CDK12: variants seen among roughly 807,000 people sequenced by gnomAD.
The protein encoded by CDK12 is cyclin dependent kinase 12.
CDK12 carries 17 observed loss-of-function variants against 133.8 expected under a neutral mutation model. That is an observed-to-expected ratio of 0.13 (90% CI 0.09 to 0.19). The LOEUF (loss-of-function observed/expected upper bound fraction) is 0.19, where lower values mean the gene tolerates loss of function less well. Among genes scored for constraint, CDK12 ranks in the 10% least tolerant of loss-of-function variants. The pLI, the probability that CDK12 is intolerant of heterozygous loss-of-function variation, is 1.00. For synonymous variants in CDK12, 694 were observed against 683.6 expected (o/e 1.02, Z -0.24); for missense variants, 1,508 against 1,818.7 (o/e 0.83, Z 3.11).
At chr17:39,472,628 T>C (rs1265708409) in intron 2 of CDK12, among the ~76,000 whole-genome samples, 1 of 151,360 alleles carries the variant, frequency 6.6e-6, no homozygotes, top group Non-Finnish European at 1.5e-5. Context: ...GAGCCAAGAT[T>C]GCATATTGCC....
rs137873589 is a variant in CDK12, at chr17:39,464,242, A to G, written c.1046+1125A>G. ...GCATGACTTTTTTTTTTTTTGAAAG[A>G]CAAGATCTTGCCCTGTTGCCTAGGC... On this transcript the variant is annotated intron_variant, in intron 1 of 13. Transcript: ENST00000447079. Among the ~76,000 whole-genome samples, 13 of 151,404 alleles carry G rather than the reference A, an allele frequency of 8.6e-5. No individual in the cohort carries two copies. The East Asian group carries it at 2.5e-3, about 29-fold the overall frequency.
chr17:39,473,918 G>A (rs144271355), intron 2 of CDK12, among the ~76,000 whole-genome samples: 2 of 151,858 alleles, frequency 1.3e-5, no homozygotes, highest in East Asian at 1.9e-4. Context: ...TTAGCCAGGC[G>A]TGGTGGCAGG....
chr17:39,481,633 GCTCTCTCTCTCTCTCTCTCTCTCT>G lies in CDK12; in HGVS notation c.1932-8869_1932-8846del, dbSNP rs58047556. 8.7e-3 allele frequency among the ~76,000 whole-genome samples: 154 copies of G among 17,614 alleles called. 8 individuals carry two copies. Among genetic ancestry groups the G allele is most frequent in the Non-Finnish European group, 0.016 (98 of 5,954 alleles). The allele number at this position is 17,614 out of a possible 152,430, so 11.6% of individuals were successfully genotyped here. On this transcript the variant is annotated intron_variant, in intron 2 of 13. Coordinates refer to ENST00000447079, the MANE Select transcript of CDK12 (RefSeq NM_016507.4). ...CACTTATGTGCTTGCTCGCTCGCGC[GCTCTCTCTCTCTCTCTCTCTCTCT>G]CTCTCTCTCTCTCTCTCTCTCTCTC...
intron 6 of CDK12, among the ~76,000 whole-genome samples, chr17:39,505,227 CAA>C (rs149103539): frequency 2.3e-4 from 11 of 47,588 alleles, no homozygotes; most frequent in Middle Eastern, 9.8e-3. Context: ...GACTCCGTTT[CAA>C]AAAAAAAAAA....
chr17:39,519,966 G>T lies in CDK12; in HGVS notation c.2974G>T (p.Ala992Ser). The T allele has an allele frequency of 6.2e-7, 1 of 1,613,864 alleles. No individual in the cohort carries two copies. Among genetic ancestry groups the T allele is most frequent in the Non-Finnish European group, 8.5e-7 (1 of 1,179,908 alleles). ...LREEFSFIPSAALDLLDHMLT... is the reference protein window; with the variant it reads ...LREEFSFIPSSALDLLDHMLT... ...TGTTCTTTTCCATAGCATTCCTTCTGCAGCACTTGATTTATTGGACCACAT... is the reference window on the plus strand; with the variant it reads ...TGTTCTTTTCCATAGCATTCCTTCTTCAGCACTTGATTTATTGGACCACAT... Residue 992 changes from alanine to serine, a missense_variant, in exon 11 of 14, where the codon GCA becomes TCA. This residue lies in a region of CDK12 where 82 missense variants were observed against 201.5 expected (regional missense o/e 0.41). Transcript: ENST00000447079.
intron 11 of CDK12, among the ~76,000 whole-genome samples, chr17:39,524,338 A>C (rs35319107): frequency 0.01 from 1,537 of 152,278 alleles, 31 homozygotes; most frequent in African/African-American, 0.036. Context: ...TTTATTCCCT[A>C]CTGAAACTTG....
At chr17:39,474,053 T>C (rs2050005831) in intron 2 of CDK12, among the ~76,000 whole-genome samples, 1 of 152,092 alleles carries the variant, frequency 6.6e-6, no homozygotes, top group Admixed American at 6.6e-5. Context: ...CGAAACTTTG[T>C]CTCAAAACAG....
At chr17:39,523,441 A>C (rs1041893311) in intron 11 of CDK12, among the ~76,000 whole-genome samples, 12 of 152,082 alleles carry the variant, frequency 7.9e-5, no homozygotes, top group African/African-American at 2.9e-4. Context: ...GCACCACTGC[A>C]CTCTAGCCTG....
chr17:39,500,387 CTT>C (rs1369798844), intron 5 of CDK12, among the ~76,000 whole-genome samples: 2 of 151,482 alleles, frequency 1.3e-5, no homozygotes, highest in Non-Finnish European at 2.9e-5. Context: ...AATCCCAACA[CTT>C]TGGGAAGCTA....
At chr17:39,493,375 C>T (rs944518250) in intron 4 of CDK12, among the ~76,000 whole-genome samples, 1 of 151,882 alleles carries the variant, frequency 6.6e-6, no homozygotes, top group Non-Finnish European at 1.5e-5. Flanking sequence ...GTGGATCAAT[C>T]TCTGCTCACT....
At chr17:39,473,613 A>C (rs2049962736) in intron 2 of CDK12, among the ~76,000 whole-genome samples, 2 of 152,012 alleles carry the variant, frequency 1.3e-5, no homozygotes. Context: ...GGGTGTGGCC[A>C]GGTGCGGTGG....
downstream of CDK12, among the ~76,000 whole-genome samples, chr17:39,539,389 T>G (rs768663632): frequency 6.6e-6 from 1 of 152,342 alleles, no homozygotes; most frequent in Admixed American, 6.5e-5. Flanking sequence ...TGTAACACTT[T>G]GAAGTCATGA....
Position 39,530,997 on chromosome 17 carries a change from A to T in CDK12, c.4154A>T (p.Glu1385Val). Residue 1385 changes from glutamate (E) to valine (V), a missense_variant, in exon 14 of 14, where the codon GAG becomes GTG. Glu to Val is a moderately radical substitution (Grantham distance 121, BLOSUM62 -2). This residue lies in a region of CDK12 where 399 missense variants were observed against 469.6 expected (regional missense o/e 0.85). Transcript: ENST00000447079. ...TFSGSLSHLG[E>V]SSSYQGTGSV... ...TCAGGCTCTCTGAGCCACCTTGGGG[A>T]GTCCAGCAGTTACCAGGGCACAGGG... 1 of 1,614,182 alleles carries T rather than the reference A, an allele frequency of 6.2e-7. No homozygotes were observed. Among genetic ancestry groups the T allele is most frequent in the South Asian group, 1.1e-5 (1 of 91,082 alleles).
At chr17:39,500,534 G>C (rs1360410332) in intron 5 of CDK12, among the ~76,000 whole-genome samples, 2 of 151,734 alleles carry the variant, frequency 1.3e-5, no homozygotes, top group Non-Finnish European at 2.9e-5. Context: ...TTGGGAAGCT[G>C]AGGCAGGAGA....
At chr17:39,477,159 T>G (rs2050276996) in intron 2 of CDK12, among the ~76,000 whole-genome samples, 1 of 151,886 alleles carries the variant, frequency 6.6e-6, no homozygotes, top group African/African-American at 2.4e-5. Context: ...TAGCTGGGAC[T>G]ACAGGTGTGT....
chr17:39,497,851 T>C (rs2052249838), intron 5 of CDK12, among the ~76,000 whole-genome samples: 2 of 152,108 alleles, frequency 1.3e-5, no homozygotes, highest in Non-Finnish European at 2.9e-5. Flanking sequence ...GCAGTCCTCT[T>C]GCCTTGGCCT....
At chr17:39,495,348 G>C (rs1253307841) in intron 5 of CDK12, among the ~76,000 whole-genome samples, 1 of 148,334 alleles carries the variant, frequency 6.7e-6, no homozygotes, top group Admixed American at 6.8e-5. Flanking sequence ...GAAGTGCTGG[G>C]ATTATAGGAG....
intron 4 of CDK12, 136 bp from the exon 5 acceptor site, chr17:39,494,388 A>C (rs972332068): frequency 1.9e-5 from 13 of 700,144 alleles, no homozygotes; most frequent in Non-Finnish European, 3.1e-5. Context: ...TTTACTTTTT[A>C]AAGGTGTATA....
intron 2 of CDK12, among the ~76,000 whole-genome samples, chr17:39,480,727 C>A (rs2050577733): frequency 6.6e-6 from 1 of 151,898 alleles, no homozygotes; most frequent in Non-Finnish European, 1.5e-5. Context: ...CCAGCCGAAA[C>A]TTTTCTTTTC....
Sources: gnomAD v4.1 joint callset for allele counts (sites outside exome capture counted in the v4.1 genomes callset) on GRCh38, gnomAD v4.1.1 for gene constraint, gnomAD v4.1.1 regional missense constraint, MANE v1.5 for transcripts, NCBI Gene and HGNC (gene_info 2026-07-23, HGNC 2026-07-21) for gene names.